Variants in LARP1 observed in about 807,000 individuals in gnomAD.
LARP1 encodes the protein la-related protein 1.
LARP1 carries 36 observed loss-of-function variants against 122.7 expected under a neutral mutation model. The observed-to-expected ratio is 0.29, with a 90% CI of 0.22 to 0.39. The LOEUF is 0.39. Ranked by LOEUF, LARP1 falls within the 10% of genes least tolerant of loss-of-function variation. The probability of loss-of-function intolerance (pLI) is 1.00; values close to 1 mark genes in which losing one functional copy is unlikely to be tolerated. For missense variants in LARP1, 1,040 were observed against 1,403.6 expected (o/e 0.74, Z 4.14); for synonymous variants, 539 against 528.7 (o/e 1.02, Z -0.27).
chr5:154,741,643 G>A (rs1470692389), intron 1 of LARP1, among the ~76,000 whole-genome samples: 3 of 152,176 alleles, frequency 2.0e-5, no homozygotes, highest in Admixed American at 2.0e-4. Context: ...AGGCTGGGAT[G>A]AGTTTCCGTG....
chr5:154,755,410 C>T lies in LARP1; in HGVS notation c.-348C>T, dbSNP rs1472783910. ...TGCTGCAGCCCCCGAGCCGGGAAGCCCGGGCCGCCCCGGGGGCGGGGGGGA... is the reference window on the plus strand; with the variant it reads ...TGCTGCAGCCCCCGAGCCGGGAAGCTCGGGCCGCCCCGGGGGCGGGGGGGA... On this transcript the variant is annotated 5_prime_UTR_variant, in exon 1 of 19. Coordinates refer to ENST00000518297, the MANE Select transcript of LARP1 (RefSeq NM_033551.3). Among the ~76,000 whole-genome samples, 2 of 151,052 alleles carry T rather than the reference C, an allele frequency of 1.3e-5. No homozygotes were observed. The highest frequency in any genetic ancestry group is 2.4e-5 in the African/African-American group (1 of 41,230).
upstream of LARP1, among the ~76,000 whole-genome samples, chr5:154,752,035 C>G (rs34951340): frequency 0.071 from 10,780 of 152,044 alleles, 441 homozygotes; most frequent in Middle Eastern, 0.099. Context: ...ATCTCTAACT[C>G]CTAGGTTCAA....
chr5:154,794,370 C>A, intron 7 of LARP1, 108 bp downstream of exon 7: 1 of 1,071,754 alleles, frequency 9.3e-7, no homozygotes. Context: ...CAGTTTCAGC[C>A]TCAGGCTGAA....
At position 154,719,991 on chromosome 5, in the gene LARP1, C is replaced by T. The variant is rs564226268; in HGVS notation, c.205+6861C>T. ...TGGATTGCCTGACCTCAGGAGTTTG[C>T]GACCAGCCTGGGCAACAAGGTGAAA... is the stretch of plus-strand genomic sequence containing the variant. On this transcript the variant is annotated intron_variant, in intron 1 of 18. Coordinates refer to the LARP1 transcript ENST00000336314. 7.4e-4 allele frequency among the ~76,000 whole-genome samples: 112 copies of T among 151,536 alleles called. No homozygotes were observed. In the Middle Eastern group the frequency reaches 0.027, roughly 37 times the overall value.
At chr5:154,743,939 T>C (rs766716557) in intron 1 of LARP1, among the ~76,000 whole-genome samples, 16 of 152,220 alleles carry the variant, frequency 1.1e-4, no homozygotes, top group Non-Finnish European at 1.9e-4. Flanking sequence ...GTGTATACTT[T>C]GGCTCAAGTG....
At position 154,811,282 on chromosome 5, in the gene LARP1, A is replaced by T; in HGVS notation, c.2879A>T (p.Tyr960Phe). The change falls in exon 17 of 19, where the codon TAT (tyrosine) becomes TTT (phenylalanine). Residue 960 changes from tyrosine to phenylalanine, a missense_variant. Coordinates refer to ENST00000518297, the MANE Select transcript of LARP1 (RefSeq NM_033551.3). ...GAGTGCCTTTTTCGATACTACAGTTATGGCCTGGAAAAGAAGTTCCGGCTG... is the reference window on the plus strand; with the variant it reads ...GAGTGCCTTTTTCGATACTACAGTTTTGGCCTGGAAAAGAAGTTCCGGCTG... ...GLECLFRYYS[Y>F]GLEKKFRLDI... The T allele has an allele frequency of 6.2e-7, 1 of 1,614,194 alleles. No individual in the cohort carries two copies. Among genetic ancestry groups the T allele is most frequent in the Non-Finnish European group, 8.5e-7 (1 of 1,180,032 alleles).
intron 8 of LARP1, among the ~76,000 whole-genome samples, chr5:154,796,315 A>G (rs983280143): frequency 6.7e-6 from 1 of 149,986 alleles, no homozygotes; most frequent in African/African-American, 2.5e-5. Flanking sequence ...CCAGGAGTTC[A>G]AGATTAGCCT....
At chr5:154,776,556 T>C (rs1472184434) in intron 1 of LARP1, among the ~76,000 whole-genome samples, 1 of 152,278 alleles carries the variant, frequency 6.6e-6, no homozygotes, top group African/African-American at 2.4e-5. Flanking sequence ...GGTTCCTTCC[T>C]GGCAGTCTCA....
chr5:154,757,122 G>T (rs900684758), intron 1 of LARP1: 2 of 150,598 alleles, frequency 1.3e-5, no homozygotes, highest in South Asian at 2.1e-4. Flanking sequence ...CGTGTGCGCG[G>T]CGCGGGTGTG....
chr5:154,691,180 T>G (rs574903644), intron 1 of LARP1, among the ~76,000 whole-genome samples: 2 of 147,530 alleles, frequency 1.4e-5, no homozygotes, highest in Non-Finnish European at 3.0e-5. Context: ...GAGAATGGCG[T>G]GAACCCGGGA....
chr5:154,807,175 C>G (rs1415965275), intron 15 of LARP1, among the ~76,000 whole-genome samples: 1 of 152,160 alleles, frequency 6.6e-6, no homozygotes, highest in East Asian at 1.9e-4. Context: ...GTACTTTATT[C>G]TTTTTATTGC....
chr5:154,805,828 T>C (rs1449703260), intron 14 of LARP1, 53 bp from the exon 15 acceptor site: 4 of 1,582,444 alleles, frequency 2.5e-6, no homozygotes, highest in Non-Finnish European at 3.4e-6. Flanking sequence ...CCTCCTGACA[T>C]GGTGGGGCTG....
Position 154,790,370 on chromosome 5 carries a change from A to C in LARP1, c.482A>C (p.Gln161Pro), listed in dbSNP as rs1466591050. The change falls in exon 2 of 19, where the codon CAG becomes CCG. Residue 161 changes from glutamine (Q) to proline (P), a missense_variant. Gln to Pro is a moderately conservative substitution (Grantham distance 76). Coordinates refer to ENST00000518297, the MANE Select transcript of LARP1 (RefSeq NM_033551.3). The part of the protein sequence containing the change: ...AKVVRAAVPK[Q>P]RKGSKVGDFG... Reference sequence around the variant, plus strand: ...GTGGTGAGGGCAGCTGTTCCTAAACAGCGCAAAGGCAGCAAGGTAAAGAAT... The same window carrying C: ...GTGGTGAGGGCAGCTGTTCCTAAACCGCGCAAAGGCAGCAAGGTAAAGAAT... The C allele has an allele frequency of 6.2e-7, 1 of 1,613,810 alleles. No homozygotes were observed.
intron 1 of LARP1, among the ~76,000 whole-genome samples, chr5:154,767,280 G>A (rs1167660456): frequency 6.6e-6 from 1 of 152,232 alleles, no homozygotes; most frequent in Non-Finnish European, 1.5e-5. Context: ...CTGGAGCCTG[G>A]CACATAGTAA....
chr5:154,755,615 C>T lies in LARP1; in HGVS notation c.-143C>T. 1 of 987,466 alleles carries T rather than the reference C, an allele frequency of 1.0e-6. No individual in the cohort carries two copies. The highest frequency in any genetic ancestry group is 1.2e-6 in the Non-Finnish European group (1 of 830,106). 61.2% of individuals were successfully genotyped at this position (987,466 alleles called of 1,614,324 possible). A position where few individuals can be genotyped will look rare whatever the true frequency, so the allele number is the denominator to read the frequency against. On this transcript the variant is annotated 5_prime_UTR_variant, in exon 1 of 19. Transcript: ENST00000518297. The stretch of plus-strand genomic sequence containing the variant: ...GCATCTAACTGGGAGGGGGCCGCAC[C>T]TCGCGTGAACCCCGACCCTTCTCTG...
At chr5:154,683,261 G>T (rs2113163320) in intron 1 of LARP1, among the ~76,000 whole-genome samples, 1 of 152,354 alleles carries the variant, frequency 6.6e-6, no homozygotes, top group African/African-American at 2.4e-5. Context: ...TAACATTAGG[G>T]TGGCATCTGG....
chr5:154,742,440 T>C (rs535754628), intron 1 of LARP1, among the ~76,000 whole-genome samples: 62 of 152,208 alleles, frequency 4.1e-4, no homozygotes, highest in South Asian at 3.7e-3. Context: ...ATGCCTGTAA[T>C]CCCAGGTATT....
chr5:154,717,923 T>G (rs934919804), intron 1 of LARP1, among the ~76,000 whole-genome samples: 41 of 152,004 alleles, frequency 2.7e-4, no homozygotes, highest in African/African-American at 9.7e-4. Flanking sequence ...TTCATTTTCT[T>G]TTTTCTTTTT....
At position 154,813,985 on chromosome 5, in the gene LARP1, C is replaced by A; in HGVS notation, c.3180C>A (p.Ser1060Arg). 1 of 1,614,132 alleles carries A rather than the reference C, an allele frequency of 6.2e-7. No individual in the cohort carries two copies. Among genetic ancestry groups the A allele is most frequent in the East Asian group, 2.2e-5 (1 of 44,874 alleles). Residue 1060 changes from serine (S) to arginine (R), a missense_variant, in exon 19 of 19, where the codon AGC becomes AGA. Coordinates refer to ENST00000518297, the MANE Select transcript of LARP1 (RefSeq NM_033551.3). ...GRKRCPSQSS[S>R]RPAAMISQPP... is the part of the protein sequence containing the mutation. ...AGCGGTGCCCCTCCCAGTCTTCCAGCAGGCCTGCTGCCATGATCAGCCAAC... is the reference window on the plus strand; with the variant it reads ...AGCGGTGCCCCTCCCAGTCTTCCAGAAGGCCTGCTGCCATGATCAGCCAAC...
Sources: gnomAD v4.1 joint callset for allele counts (sites outside exome capture counted in the v4.1 genomes callset) on GRCh38, gnomAD v4.1.1 for gene constraint, MANE v1.5 for transcripts, NCBI Gene and HGNC (gene_info 2026-07-23, HGNC 2026-07-21) for gene names.